Variants in DYNC2H1 observed in about 807,000 individuals in gnomAD.
DYNC2H1 encodes dynein cytoplasmic 2 heavy chain 1.
DYNC2H1 carries 410 observed loss-of-function variants against 570.0 expected under a neutral mutation model. The ratio of observed to expected loss-of-function variants is 0.72; its 90% confidence interval spans 0.66 to 0.78. The LOEUF is 0.78. Among genes scored for constraint, DYNC2H1 ranks in the 30% least tolerant of loss-of-function variants. The pLI, the probability that DYNC2H1 is intolerant of heterozygous loss-of-function variation, is 0.00. For missense variants in DYNC2H1, 4,865 were observed against 5,046.4 expected, an observed-to-expected ratio of 0.96 and a Z score of 1.09; for synonymous variants, 1,688 against 1,677.6, an observed-to-expected ratio of 1.01 and a Z score of -0.15.
intron 54 of DYNC2H1, among the ~76,000 whole-genome samples, chr11:103,213,963 T>G (rs1400764370): frequency 6.6e-6 from 1 of 152,176 alleles, no homozygotes; most frequent in Non-Finnish European, 1.5e-5. Flanking sequence ...TAGTTCCAGG[T>G]CTTTTGTTTA....
chr11:103,196,913 A>G (rs1268980254), intron 47 of DYNC2H1, among the ~76,000 whole-genome samples: 2 of 152,156 alleles, frequency 1.3e-5, no homozygotes, highest in Non-Finnish European at 2.9e-5. Context: ...AGAACATGAC[A>G]TAGCTTGGAT....
chr11:103,435,951 C>CGCAT lies in DYNC2H1; in HGVS notation c.12377_12380dup (p.Trp4127CysfsTer32). ...CCCTTTTTAAATTGCAGTGTCCTCTCGCATGGCAGAGCAAGTGGGAAGGCC... is the reference window on the plus strand; with the variant it reads ...CCCTTTTTAAATTGCAGTGTCCTCTCGCATGCATGGCAGAGCAAGTGGGAAGGCC... On this transcript the variant is annotated frameshift_variant, in exon 85 of 89. Coordinates refer to ENST00000375735, the MANE Select transcript of DYNC2H1 (RefSeq NM_001377.3). LOFTEE classifies it high-confidence loss of function. 1 of 1,612,390 alleles carries CGCAT rather than the reference C, an allele frequency of 6.2e-7. No individual in the cohort carries two copies. The highest frequency in any genetic ancestry group is 8.5e-7 in the Non-Finnish European group (1 of 1,178,984).
intron 52 of DYNC2H1, among the ~76,000 whole-genome samples, chr11:103,207,246 A>ATTT (rs1344183719): frequency 0.3 from 11,731 of 38,738 alleles, 633 homozygotes; most frequent in Non-Finnish European, 0.4. Flanking sequence ...TTTTTTTAAA[A>ATTT]AAAGATGGGA....
chr11:103,453,902 ATAT>A (rs1944698101), intron 85 of DYNC2H1, among the ~76,000 whole-genome samples: 2 of 152,038 alleles, frequency 1.3e-5, no homozygotes, highest in African/African-American at 4.8e-5. Flanking sequence ...GCTATGTATA[ATAT>A]TATTTAATTG....
At position 103,252,433 on chromosome 11, in the gene DYNC2H1, C is replaced by A. The variant is rs569864368; in HGVS notation, c.10043-852C>A. On this transcript the variant is annotated intron_variant, in intron 65 of 88. Transcript: ENST00000375735. This position sits in a 1 kb window ranked among gnomAD's most constrained non-coding sequence, Gnocchi z 4.6. ...TTAATTTCTTTAGGAACCTTCCTAC[C>A]ATTTTTCATAATGGCTGCCCTGGTC... Among the ~76,000 whole-genome samples the A allele has an allele frequency of 6.6e-6, 1 of 152,110 alleles. No homozygotes were observed. The highest frequency in any genetic ancestry group is 2.4e-5 in the African/African-American group (1 of 41,420).
chr11:103,191,531 T>A lies in DYNC2H1; in HGVS notation c.7452T>A (p.Phe2484Leu). 2 of 1,606,454 alleles carry A rather than the reference T, an allele frequency of 1.2e-6. No homozygotes were observed. The highest frequency in any genetic ancestry group is 1.7e-6 in the Non-Finnish European group (2 of 1,175,884). The change falls in exon 46 of 89, where the codon TTT (phenylalanine) becomes TTA (leucine). Residue 2484 changes from phenylalanine to leucine, a missense_variant. By Grantham distance (22) the Phe-to-Leu change is conservative. This residue lies in a region of DYNC2H1 where 2,401 missense variants were observed against 2,454.6 expected (regional missense o/e 0.98). Transcript: ENST00000375735. The part of the protein sequence containing the change: ...VQVYEQVRAK[F>L]TVDDYSHYFF... ...TTCTTTTTCAGGTGCGAGCCAAATT[T>A]ACAGTTGATGATTATAGTCACTATT...
intron 17 of DYNC2H1, among the ~76,000 whole-genome samples, chr11:103,142,464 G>C (rs1010998517): frequency 6.6e-6 from 1 of 152,130 alleles, no homozygotes; most frequent in African/African-American, 2.4e-5. Flanking sequence ...GAGGTCAGGA[G>C]TTTGAGACCA....
At position 103,277,165 on chromosome 11, in the gene DYNC2H1, A is replaced by G. The variant is rs1175208238; in HGVS notation, c.10696-3183A>G. On this transcript the variant is annotated intron_variant, in intron 70 of 88. Coordinates refer to ENST00000375735, the MANE Select transcript of DYNC2H1 (RefSeq NM_001377.3). This position sits in a 1 kb window ranked among gnomAD's most constrained non-coding sequence, Gnocchi z 4.3. ...TCCCCAACTTGTTACCCCCTTTTAG[A>G]CCTTATATAACAGGTGTTAAAAATT... 6.6e-6 allele frequency among the ~76,000 whole-genome samples: 1 copy of G among 152,062 alleles called. No homozygotes were observed. The highest frequency in any genetic ancestry group is 2.4e-5 in the African/African-American group (1 of 41,452).
chr11:103,150,068 A>G (rs1476811694), intron 20 of DYNC2H1, among the ~76,000 whole-genome samples: 13 of 152,200 alleles, frequency 8.5e-5, no homozygotes, highest in Admixed American at 8.5e-4. Flanking sequence ...GTATCAAGAG[A>G]GTTAATTATT....
At position 103,220,749 on chromosome 11, in the gene DYNC2H1, G is replaced by A. The variant is rs778986841; in HGVS notation, c.9073G>A (p.Gly3025Ser). 1 of 1,612,320 alleles carries A rather than the reference G, an allele frequency of 6.2e-7. No individual in the cohort carries two copies. The highest frequency in any genetic ancestry group is 1.1e-5 in the South Asian group (1 of 90,872). ...TCTTGAAGGAGTTTTAAGGTTGATG[G>A]GTATCTTTGATACATCTTGGGTGAG... Reference protein sequence around the residue: ...DILEGVLRLMGIFDTSWVSMK... With the variant: ...DILEGVLRLMSIFDTSWVSMK... The change falls in exon 57 of 89, where the codon GGT (glycine) becomes AGT (serine). Residue 3025 changes from glycine to serine, a missense_variant. Physicochemically the swap from Gly to Ser is moderately conservative, Grantham distance 56. Around this residue, in one of 5 missense-constraint regions of DYNC2H1, gnomAD observed 2,401 missense variants for 2,454.6 expected, o/e 0.98. Transcript: ENST00000375735.
intron 70 of DYNC2H1, among the ~76,000 whole-genome samples, chr11:103,271,904 A>G: frequency 6.6e-6 from 1 of 152,216 alleles, no homozygotes; most frequent in East Asian, 1.9e-4. Flanking sequence ...AATGGCGATC[A>G]TTAAAAAGTC....
intron 73 of DYNC2H1, among the ~76,000 whole-genome samples, chr11:103,285,419 C>CT (rs147433527): frequency 3.3e-5 from 3 of 90,142 alleles, no homozygotes; most frequent in Non-Finnish European, 7.4e-5. Context: ...TTCTTTTTTT[C>CT]TTTTCTTTTT....
chr11:103,347,119 C>T (rs1939781654), intron 82 of DYNC2H1, among the ~76,000 whole-genome samples: 1 of 152,062 alleles, frequency 6.6e-6, no homozygotes, highest in African/African-American at 2.4e-5. Flanking sequence ...TAACAGGAAA[C>T]ACAGGTATAA....
At chr11:103,316,668 C>G (rs1207707190) in intron 80 of DYNC2H1, 48 bp downstream of exon 80, 2 of 1,343,444 alleles carry the variant, frequency 1.5e-6, no homozygotes, top group African/African-American at 3.0e-5. Context: ...AATATTTTAT[C>G]TGAGGTCTTA....
chr11:103,432,989 T>C (rs935998303), intron 84 of DYNC2H1, among the ~76,000 whole-genome samples: 2 of 152,148 alleles, frequency 1.3e-5, no homozygotes, highest in Admixed American at 6.6e-5. Flanking sequence ...ACTTCCTTGA[T>C]TGAATTGTTT....
chr11:103,427,097 G>GT (rs140222095), intron 84 of DYNC2H1, among the ~76,000 whole-genome samples: 2,621 of 152,076 alleles, frequency 0.017, 34 homozygotes, highest in Non-Finnish European at 0.027. Flanking sequence ...TACTCTTGAT[G>GT]TATGTTTGGT....
chr11:103,399,583 G>T (rs1942551546), intron 83 of DYNC2H1, 80 bp from the exon 84 acceptor site: 5 of 965,780 alleles, frequency 5.2e-6, no homozygotes, highest in East Asian at 5.2e-5. Flanking sequence ...AGAACAAAAG[G>T]TTTAAATAAG....
At chr11:103,333,015 A>C (rs1390195500) in intron 82 of DYNC2H1, among the ~76,000 whole-genome samples, 1 of 143,218 alleles carries the variant, frequency 7.0e-6, no homozygotes, top group East Asian at 2.1e-4. Context: ...AAAAAAAAAA[A>C]TCTTTCTTAA....
chr11:103,218,751 C>T (rs536981524), intron 55 of DYNC2H1, among the ~76,000 whole-genome samples: 60 of 152,190 alleles, frequency 3.9e-4, no homozygotes, highest in African/African-American at 1.3e-3. Flanking sequence ...TTCTGAGAAG[C>T]GATATTTCTA....
Sources: allele counts gnomAD v4.1 joint callset (sites outside exome capture counted in the v4.1 genomes callset), GRCh38; gene constraint gnomAD v4.1.1; regional missense constraint gnomAD v4.1.1; non-coding constraint Gnocchi (gnomAD v3.1); transcripts MANE v1.5; gene names NCBI Gene and HGNC (gene_info 2026-07-23, HGNC 2026-07-21).